Variants in SLC20A2 observed in about 807,000 individuals in gnomAD.
The protein encoded by SLC20A2 is sodium-dependent phosphate transporter 2.
In SLC20A2, 30 loss-of-function variants were observed where a neutral mutation model predicts 61.0. The ratio of observed to expected loss-of-function variants is 0.49; its 90% confidence interval spans 0.37 to 0.67. The LOEUF (loss-of-function observed/expected upper bound fraction) is 0.67, where lower values mean the gene tolerates loss of function less well. Ranked by LOEUF, SLC20A2 falls within the 30% of genes least tolerant of loss-of-function variation. The pLI is 0.00. For synonymous variants in SLC20A2, 351 were observed against 353.3 expected (o/e 0.99, Z 0.07); for missense variants, 626 against 866.4 (o/e 0.72, Z 3.48).
upstream of SLC20A2, chr8:42,502,757 T>A (rs749360712): frequency 6.6e-6 from 1 of 152,230 alleles, no homozygotes; most frequent in Non-Finnish European, 1.5e-5. Context: ...AGGAGAGAAG[T>A]CAGCACTCAT....
chr8:42,504,196 C>T (rs1406092445), upstream of SLC20A2, among the ~76,000 whole-genome samples: 1 of 152,218 alleles, frequency 6.6e-6, no homozygotes, highest in Non-Finnish European at 1.5e-5. Flanking sequence ...CCACCTCAGC[C>T]TCCCAAAGCA....
At position 42,420,047 on chromosome 8, in the gene SLC20A2, G is replaced by A. The variant is rs1276458498; in HGVS notation, c.1795-2080C>T. Among the ~76,000 whole-genome samples the A allele has an allele frequency of 4.6e-5, 7 of 152,090 alleles. No individual in the cohort carries two copies. The East Asian group carries it at 7.7e-4, about 17-fold the overall frequency. On this transcript the variant is annotated intron_variant, in intron 10 of 10. Coordinates refer to ENST00000520262, the MANE Select transcript of SLC20A2 (RefSeq NM_001257180.2). ...TAAAAATACAAAAAATTAGCTAGGC[G>A]TGGTGGTGCACACCTGTAGTCCCAG... is the stretch of plus-strand genomic sequence containing the variant.
At chr8:42,494,765 A>AT (rs1809791645) in intron 1 of SLC20A2, among the ~76,000 whole-genome samples, 7 of 152,118 alleles carry the variant, frequency 4.6e-5, no homozygotes, top group Admixed American at 2.6e-4. Flanking sequence ...AATAAGTAAA[A>AT]TTTTTTACCT....
In SLC20A2 at chr8:42,481,930, C is replaced by T. The variant is rs150213777; in HGVS notation, c.-264-9276G>A. On this transcript the variant is annotated intron_variant, in intron 1 of 10. Transcript: ENST00000520262. ...TTCCACAGGGAAGTTTCTTCCCAGC[C>T]GTAAAGCTTCTGTGATATTTAGATG... is the stretch of plus-strand genomic sequence containing the variant. 5.6e-4 allele frequency among the ~76,000 whole-genome samples: 85 copies of T among 152,230 alleles called. 1 individual carries two copies. In the East Asian group the frequency reaches 0.012, roughly 22 times the overall value.
intron 3 of SLC20A2, 73 bp from the exon 4 acceptor site, chr8:42,463,163 A>G: frequency 2.4e-6 from 2 of 844,512 alleles, no homozygotes; most frequent in South Asian, 1.6e-5. Context: ...ATAGAACACA[A>G]TGATAAACAA....
At chr8:42,486,140 C>CTGTGTGTGTGTGTGTGTG (rs59925363) in intron 1 of SLC20A2, among the ~76,000 whole-genome samples, 18 of 149,028 alleles carry the variant, frequency 1.2e-4, no homozygotes, top group African/African-American at 3.9e-4. Context: ...AGCTCTCTCA[C>CTGTGTGTGTGTGTGTGTG]TGTGTGTGTG....
chr8:42,508,928 A>C (rs1810877467), intron 1 of SLC20A2, among the ~76,000 whole-genome samples: 1 of 152,226 alleles, frequency 6.6e-6, no homozygotes, highest in African/African-American at 2.4e-5. Flanking sequence ...TGGCATCTGC[A>C]GCAAGGCTAC....
At chr8:42,434,749 C>T (rs796804905) in intron 8 of SLC20A2, among the ~76,000 whole-genome samples, 8 of 152,294 alleles carry the variant, frequency 5.3e-5, no homozygotes, top group African/African-American at 1.7e-4. Flanking sequence ...AGACGCTCTC[C>T]CTGCTCCAAA....
intron 1 of SLC20A2, chr8:42,541,668 A>T (rs1323683762): frequency 2.0e-5 from 3 of 149,118 alleles, no homozygotes; most frequent in African/African-American, 7.4e-5. Context: ...CCCGGAGCGG[A>T]GCAGCGCTGG....
Position 42,455,257 on chromosome 8 carries a change from TAGAGAGAGAGAGAG to T in SLC20A2, c.613+4625_613+4638del, listed in dbSNP as rs71548583. Reference sequence around the variant, plus strand: ...AAAAAAAAAAATATATATATATATATAGAGAGAGAGAGAGAGAGAGAGAGAGAGAGAGAGAGCGT... The same window carrying T: ...AAAAAAAAAAATATATATATATATATAGAGAGAGAGAGAGAGAGAGAGCGT... On this transcript the variant is annotated intron_variant, in intron 5 of 10. Coordinates refer to ENST00000520262, the MANE Select transcript of SLC20A2 (RefSeq NM_001257180.2). 4.2e-3 allele frequency among the ~76,000 whole-genome samples: 339 copies of T among 81,618 alleles called. 2 individuals are homozygous for T. Among genetic ancestry groups the T allele is most frequent in the Middle Eastern group, 9.3e-3 (1 of 108 alleles). 53.5% of individuals were successfully genotyped at this position (81,618 alleles called of 152,430 possible).
rs141810794 is a variant in SLC20A2, at chr8:42,439,721, A to G, written c.731-68T>C. On this transcript the variant is annotated intron_variant, in intron 6 of 10. Coordinates refer to ENST00000520262, the MANE Select transcript of SLC20A2 (RefSeq NM_001257180.2). ...CTTATTATTGAAACATGAATATTAA[A>G]AAGTGAATCTATATCTTTATGCTTT... 1,957 of 1,159,964 alleles carry G rather than the reference A, an allele frequency of 1.7e-3. 5 individuals are homozygous for G. Among genetic ancestry groups the G allele is most frequent in the South Asian group, 2.2e-3 (170 of 78,728 alleles). 71.9% of individuals were successfully genotyped at this position (1,159,964 alleles called of 1,614,324 possible).
intron 2 of SLC20A2, among the ~76,000 whole-genome samples, chr8:42,467,800 G>T (rs544542644): frequency 1.3e-5 from 2 of 152,278 alleles, no homozygotes; most frequent in South Asian, 4.1e-4. Context: ...ACCTCCTTAA[G>T]CCTCCACATC....
At chr8:42,501,651 T>C (rs1434577239), upstream of SLC20A2, among the ~76,000 whole-genome samples, 2 of 152,234 alleles carry the variant, frequency 1.3e-5, no homozygotes, top group Non-Finnish European at 2.9e-5. Context: ...ATAAAAGCTT[T>C]TTCTTTCTCT....
chr8:42,476,173 T>C (rs897044122), intron 1 of SLC20A2, among the ~76,000 whole-genome samples: 2 of 140,344 alleles, frequency 1.4e-5, no homozygotes, highest in African/African-American at 5.2e-5. Flanking sequence ...CTCGGCTCAC[T>C]GCAAGCTCCG....
chr8:42,514,466 G>A (rs572302453), intron 1 of SLC20A2, among the ~76,000 whole-genome samples: 2 of 152,220 alleles, frequency 1.3e-5, no homozygotes, highest in East Asian at 1.9e-4. Flanking sequence ...AAGCTAAAAA[G>A]CCCTCCCCTG....
chr8:42,481,711 G>C (rs1808565388), intron 1 of SLC20A2, among the ~76,000 whole-genome samples: 1 of 152,164 alleles, frequency 6.6e-6, no homozygotes, highest in African/African-American at 2.4e-5. Context: ...GGGAGGGGTG[G>C]AAAATTCTGA....
intron 1 of SLC20A2, among the ~76,000 whole-genome samples, chr8:42,534,233 C>T (rs963906193): frequency 6.6e-6 from 1 of 151,968 alleles, no homozygotes; most frequent in African/African-American, 2.4e-5. Flanking sequence ...TAGCCGCGAT[C>T]GCATCATCGC....
chr8:42,528,735 T>C (rs888210937), intron 1 of SLC20A2, among the ~76,000 whole-genome samples: 5 of 151,952 alleles, frequency 3.3e-5, no homozygotes, highest in African/African-American at 7.2e-5. Flanking sequence ...GGTGCGATCT[T>C]GGCTTACCAT....
intron 9 of SLC20A2, 69 bp from the exon 10 acceptor site, chr8:42,428,911 T>G: frequency 1.5e-6 from 2 of 1,302,138 alleles, no homozygotes; most frequent in Non-Finnish European, 2.1e-6. Flanking sequence ...CCGTGGGTGC[T>G]AGAGGCTCAC....
Sources: gnomAD v4.1 joint callset for allele counts (sites outside exome capture counted in the v4.1 genomes callset) on GRCh38, gnomAD v4.1.1 for gene constraint, MANE v1.5 for transcripts, NCBI Gene and HGNC (gene_info 2026-07-23, HGNC 2026-07-21) for gene names.